Variants in NRXN1 observed in about 807,000 individuals in gnomAD.
NRXN1 encodes neurexin-1.
A neutral mutation model predicts 150.9 loss-of-function variants in NRXN1; 39 were observed. That is an observed-to-expected ratio of 0.26 (90% CI 0.20 to 0.34). NRXN1 has a LOEUF of 0.34. Among genes scored for constraint, NRXN1 ranks in the 10% least tolerant of loss-of-function variants. The pLI, the probability that NRXN1 is intolerant of heterozygous loss-of-function variation, is 1.00. For missense variants in NRXN1, 1,815 were observed against 1,949.9 expected (o/e 0.93, Z 1.30); for synonymous variants, 924 against 757.0 (o/e 1.22, Z -3.62).
intron 18 of NRXN1, among the ~76,000 whole-genome samples, chr2:50,132,128 T>C (rs754104121): frequency 2.6e-5 from 4 of 152,212 alleles, no homozygotes; most frequent in Middle Eastern, 3.4e-3. Context: ...TCTGGCAAAG[T>C]GTGCTAATTG....
intron 18 of NRXN1, among the ~76,000 whole-genome samples, chr2:50,105,481 T>A (rs1001893367): frequency 6.6e-6 from 1 of 152,038 alleles, no homozygotes; most frequent in African/African-American, 2.4e-5. Flanking sequence ...CTAGTTTACA[T>A]CCAGTTTTTC....
At chr2:50,728,901 A>G (rs926062095) in intron 5 of NRXN1, among the ~76,000 whole-genome samples, 2 of 152,188 alleles carry the variant, frequency 1.3e-5, no homozygotes, top group Non-Finnish European at 2.9e-5. Context: ...TGACCCAAAG[A>G]GTCTTGAGTG....
chr2:50,118,078 G>T (rs1030205898), intron 18 of NRXN1, among the ~76,000 whole-genome samples: 1 of 152,158 alleles, frequency 6.6e-6, no homozygotes, highest in African/African-American at 2.4e-5. Context: ...GAATGTGAAG[G>T]TAAAGGTGTT....
intron 17 of NRXN1, among the ~76,000 whole-genome samples, chr2:50,392,741 C>T (rs1040124763): frequency 4.6e-5 from 7 of 151,890 alleles, no homozygotes; most frequent in Non-Finnish European, 7.4e-5. Flanking sequence ...AAAACAAAGA[C>T]GTAGTAGAGA....
intron 18 of NRXN1, among the ~76,000 whole-genome samples, chr2:50,203,028 A>G (rs2062297481): frequency 6.6e-6 from 1 of 152,138 alleles, no homozygotes; most frequent in Non-Finnish European, 1.5e-5. Flanking sequence ...GGAAAACGGT[A>G]AAAAAGATCT....
chr2:50,320,431 A>G (rs2152973688), intron 17 of NRXN1, among the ~76,000 whole-genome samples: 1 of 150,690 alleles, frequency 6.6e-6, no homozygotes, highest in Non-Finnish European at 1.5e-5. Flanking sequence ...TTATACTTAG[A>G]AGAGAATGTA....
chr2:50,681,921 A>G (rs900587516), intron 5 of NRXN1, among the ~76,000 whole-genome samples: 2 of 152,166 alleles, frequency 1.3e-5, no homozygotes, highest in African/African-American at 4.8e-5. Flanking sequence ...TTGGCATGGC[A>G]CTTATCTTTC....
At chr2:50,945,944 T>C (rs1391631216) in intron 2 of NRXN1, among the ~76,000 whole-genome samples, 2 of 149,292 alleles carry the variant, frequency 1.3e-5, no homozygotes, top group African/African-American at 4.9e-5. Flanking sequence ...AAAGTATTAT[T>C]ATTATTATTA....
intron 19 of NRXN1, among the ~76,000 whole-genome samples, chr2:50,056,683 T>G (rs1023633409): frequency 6.6e-6 from 1 of 152,004 alleles, no homozygotes; most frequent in Non-Finnish European, 1.5e-5. Context: ...TATTTGGAAT[T>G]TTTTTTTAAT....
intron 21 of NRXN1, among the ~76,000 whole-genome samples, chr2:50,029,650 T>G (rs1289891303): frequency 6.6e-6 from 1 of 152,146 alleles, no homozygotes; most frequent in East Asian, 1.9e-4. Context: ...CCTACTTTAC[T>G]GGCATCTTGA....
intron 17 of NRXN1, among the ~76,000 whole-genome samples, chr2:50,246,549 C>T (rs1388072552): frequency 6.6e-6 from 1 of 152,006 alleles, no homozygotes; most frequent in African/African-American, 2.4e-5. Flanking sequence ...CTTTACCTGA[C>T]TAGGCCCTCG....
chr2:50,100,587 A>G (rs556337725), intron 18 of NRXN1, among the ~76,000 whole-genome samples: 12 of 152,230 alleles, frequency 7.9e-5, no homozygotes, highest in African/African-American at 2.2e-4. Context: ...GACATTCTCA[A>G]ACCATTATGA....
chr2:49,959,709 C>G (rs994081233), intron 21 of NRXN1, among the ~76,000 whole-genome samples: 3 of 152,298 alleles, frequency 2.0e-5, no homozygotes, highest in South Asian at 2.1e-4. Flanking sequence ...AAAATCATGA[C>G]AGATGATATA....
rs900127403 is a variant in NRXN1, at chr2:50,549,372, A to AT, written c.1759+3214dup. ...GCTAGGCTAACCTAATATGAGCTCT[A>AT]TTTTTTTTCAATTTAATAAAGGACA... On this transcript the variant is annotated intron_variant, in intron 9 of 22. Transcript: ENST00000401669. 1.8e-4 allele frequency among the ~76,000 whole-genome samples: 28 copies of AT among 151,940 alleles called. No individual in the cohort carries two copies. The East Asian group carries it at 3.1e-3, about 17-fold the overall frequency.
intron 2 of NRXN1, among the ~76,000 whole-genome samples, chr2:50,959,673 T>C (rs544475659): frequency 6.6e-6 from 1 of 152,164 alleles, no homozygotes; most frequent in East Asian, 1.9e-4. Context: ...GCATGACAGC[T>C]GCACAATCTT....
chr2:50,310,659 T>A (rs1436958523), intron 17 of NRXN1, among the ~76,000 whole-genome samples: 3 of 152,198 alleles, frequency 2.0e-5, no homozygotes, highest in Admixed American at 6.6e-5. Flanking sequence ...ATACTTCTAC[T>A]GTTATTGGAG....
At chr2:50,867,912 C>G (rs1052993778) in intron 5 of NRXN1, among the ~76,000 whole-genome samples, 2 of 151,410 alleles carry the variant, frequency 1.3e-5, no homozygotes, top group Admixed American at 1.3e-4. Context: ...CACTGTAGAA[C>G]AAGATGCACT....
At chr2:50,344,445 G>C (rs1275944392) in intron 17 of NRXN1, among the ~76,000 whole-genome samples, 1 of 152,014 alleles carries the variant, frequency 6.6e-6, no homozygotes, top group Non-Finnish European at 1.5e-5. Context: ...GCATGAAGGA[G>C]AGTGGGCAGA....
chr2:49,958,670 T>A (rs909257957), intron 21 of NRXN1, among the ~76,000 whole-genome samples: 3 of 152,192 alleles, frequency 2.0e-5, no homozygotes, highest in Non-Finnish European at 4.4e-5. Flanking sequence ...CAAACTTTTC[T>A]TGATGATTTG....
Sources: gnomAD v4.1 joint callset for allele counts (sites outside exome capture counted in the v4.1 genomes callset) on GRCh38, gnomAD v4.1.1 for gene constraint, MANE v1.5 for transcripts, NCBI Gene and HGNC (gene_info 2026-07-23, HGNC 2026-07-21) for gene names.